The following RIMS2 variants were observed in gnomAD, a reference collection of about 807,000 sequenced individuals.
The protein encoded by RIMS2 is regulating synaptic membrane exocytosis protein 2.
RIMS2 carries 59 observed loss-of-function variants against 174.4 expected under a neutral mutation model. The observed-to-expected ratio is 0.34, with a 90% CI of 0.27 to 0.42. RIMS2 has a LOEUF of 0.42. Ranked by LOEUF, RIMS2 falls within the 10% of genes least tolerant of loss-of-function variation. The pLI is 1.00. For missense variants in RIMS2, 1,620 were observed against 1,666.3 expected (o/e 0.97, Z 0.48); for synonymous variants, 606 against 572.5 (o/e 1.06, Z -0.84).
chr8:103,767,078 A>G (rs1236724318), intron 3 of RIMS2, among the ~76,000 whole-genome samples: 1 of 152,192 alleles, frequency 6.6e-6, no homozygotes, highest in East Asian at 1.9e-4. Context: ...TTGGCTCCGT[A>G]CTATGGGCTT....
At chr8:104,202,298 A>T (rs1356211052) in intron 19 of RIMS2, among the ~76,000 whole-genome samples, 1 of 152,214 alleles carries the variant, frequency 6.6e-6, no homozygotes, top group East Asian at 1.9e-4. Context: ...GCTGAATTTT[A>T]TCATACAAAG....
intron 2 of RIMS2, among the ~76,000 whole-genome samples, chr8:103,729,959 C>G (rs529843751): frequency 6.6e-6 from 1 of 152,098 alleles, no homozygotes; most frequent in Non-Finnish European, 1.5e-5. Flanking sequence ...GTTTTGTGGC[C>G]TAGCATATGG....
At chr8:103,790,142 A>G (rs1399827318) in intron 3 of RIMS2, among the ~76,000 whole-genome samples, 2 of 152,164 alleles carry the variant, frequency 1.3e-5, no homozygotes, top group African/African-American at 4.8e-5. Context: ...ACCCTTACAA[A>G]TGTACACCTA....
At position 103,631,787 on chromosome 8, in the gene RIMS2, G is replaced by A. The variant is rs536900750; in HGVS notation, c.177-65299G>A. ...ATGGGATGATTTTACACTTGTTTTT[G>A]TCTTCTCTGATTTCGTTGAGCAGTG... On this transcript the variant is annotated intron_variant, in intron 1 of 23. Transcript: ENST00000504942. Among the ~76,000 whole-genome samples the A allele has an allele frequency of 3.3e-5, 5 of 152,216 alleles. No homozygotes were observed. In the East Asian group the frequency reaches 9.7e-4, roughly 29 times the overall value.
chr8:103,617,663 A>G (rs1445307554), intron 1 of RIMS2, among the ~76,000 whole-genome samples: 1 of 152,184 alleles, frequency 6.6e-6, no homozygotes, highest in Non-Finnish European at 1.5e-5. Context: ...AATTTATAAG[A>G]GAAAAACAAG....
chr8:103,830,951 G>T (rs2098822145), intron 3 of RIMS2, among the ~76,000 whole-genome samples: 1 of 152,090 alleles, frequency 6.6e-6, no homozygotes, highest in Admixed American at 6.5e-5. Context: ...TGGGTCTCAG[G>T]TGCAAGCCAC....
intron 16 of RIMS2, among the ~76,000 whole-genome samples, chr8:103,989,089 A>G (rs2094534859): frequency 6.6e-6 from 1 of 152,126 alleles, no homozygotes; most frequent in African/African-American, 2.4e-5. Context: ...GTTTAATTTG[A>G]GCTCCTTGTG....
chr8:103,774,333 T>C (rs2098287595), intron 3 of RIMS2, among the ~76,000 whole-genome samples: 1 of 152,174 alleles, frequency 6.6e-6, no homozygotes, highest in African/African-American at 2.4e-5. Context: ...AGGTATTTAC[T>C]TAAGAGAGAT....
intron 19 of RIMS2, among the ~76,000 whole-genome samples, chr8:104,154,933 C>T (rs916301701): frequency 6.6e-6 from 1 of 151,240 alleles, no homozygotes; most frequent in Non-Finnish European, 1.5e-5. Context: ...ATACACTTCC[C>T]TGGGGAATGG....
chr8:103,794,501 AC>A (rs1414667373), intron 3 of RIMS2, among the ~76,000 whole-genome samples: 1 of 152,212 alleles, frequency 6.6e-6, no homozygotes. Context: ...CCTAGGCAAT[AC>A]CATTCAGGAC....
At chr8:103,616,029 C>T (rs1485415225) in intron 1 of RIMS2, among the ~76,000 whole-genome samples, 3 of 152,112 alleles carry the variant, frequency 2.0e-5, no homozygotes, top group African/African-American at 7.2e-5. Flanking sequence ...ATGAGGCCAG[C>T]ATCATCTTGA....
chr8:104,143,696 G>A (rs11994300), intron 19 of RIMS2, among the ~76,000 whole-genome samples: 6,971 of 152,154 alleles, frequency 0.046, 451 homozygotes, highest in African/African-American at 0.15. Flanking sequence ...AAGATGTTAT[G>A]AATAGTTTCA....
At chr8:103,884,224 T>A (rs1565104256) in intron 3 of RIMS2, among the ~76,000 whole-genome samples, 1 of 151,822 alleles carries the variant, frequency 6.6e-6, no homozygotes, top group Non-Finnish European at 1.5e-5. Context: ...GCTTTTGGGC[T>A]AAGAAACCAT....
At chr8:104,168,747 A>C (rs1370068095) in intron 19 of RIMS2, among the ~76,000 whole-genome samples, 1 of 152,168 alleles carries the variant, frequency 6.6e-6, no homozygotes, top group East Asian at 1.9e-4. Flanking sequence ...GAATGCTTTC[A>C]ACTTTTCCAC....
intron 3 of RIMS2, among the ~76,000 whole-genome samples, chr8:103,823,417 T>C (rs2098766190): frequency 6.6e-6 from 1 of 151,926 alleles, no homozygotes; most frequent in Admixed American, 6.6e-5. Context: ...GTGATTATTA[T>C]TAGTACTATT....
chr8:103,516,131 G>A (rs1828851353), intron 1 of RIMS2, among the ~76,000 whole-genome samples: 1 of 152,008 alleles, frequency 6.6e-6, no homozygotes, highest in Non-Finnish European at 1.5e-5. Context: ...TCTGTATTAT[G>A]CTTTGTTATT....
At chr8:103,583,905 A>G (rs929863118) in intron 1 of RIMS2, among the ~76,000 whole-genome samples, 1 of 150,226 alleles carries the variant, frequency 6.7e-6, no homozygotes, top group Admixed American at 6.6e-5. Context: ...GGAAAAACAC[A>G]CACAATGGGA....
chr8:103,627,646 A>G (rs1255904372), intron 1 of RIMS2, among the ~76,000 whole-genome samples: 1 of 152,242 alleles, frequency 6.6e-6, no homozygotes, highest in Non-Finnish European at 1.5e-5. Flanking sequence ...CCTCGGCTCC[A>G]GCCGGTCCCT....
intron 3 of RIMS2, among the ~76,000 whole-genome samples, chr8:103,860,524 T>G (rs1457694393): frequency 6.6e-6 from 1 of 152,112 alleles, no homozygotes; most frequent in East Asian, 1.9e-4. Flanking sequence ...GCAAGTTGTT[T>G]GTGAGAATTA....
Sources: gnomAD v4.1 joint callset for allele counts (sites outside exome capture counted in the v4.1 genomes callset) on GRCh38, gnomAD v4.1.1 for gene constraint, MANE v1.5 for transcripts, NCBI Gene and HGNC (gene_info 2026-07-23, HGNC 2026-07-21) for gene names.